Variants in TRNAU1AP observed in about 807,000 individuals in gnomAD.
TRNAU1AP encodes the protein tRNA selenocysteine 1 associated protein 1, also known as tRNA selenocysteine 1-associated protein 1.
TRNAU1AP carries 33 observed loss-of-function variants against 43.3 expected under a neutral mutation model. That is an observed-to-expected ratio of 0.76 (90% CI 0.58 to 1.02). The LOEUF (loss-of-function observed/expected upper bound fraction) is 1.02. Among genes scored for constraint, TRNAU1AP ranks in the 50% least tolerant of loss-of-function variants. The pLI, the probability that TRNAU1AP is intolerant of heterozygous loss-of-function variation, is 0.00. For missense variants in TRNAU1AP, 290 were observed against 362.7 expected (o/e 0.80, Z 1.63); for synonymous variants, 143 against 129.1 (o/e 1.11, Z -0.73).
At chr1:28,561,009 C>G (rs1189333200) in intron 3 of TRNAU1AP, 17 of 1,304,906 alleles carry the variant, frequency 1.3e-5, no homozygotes, top group Non-Finnish European at 1.4e-5. Context: ...CCTCCCATAA[C>G]CGAAGACTTG....
chr1:28,564,963 T>A (rs1254843105), intron 5 of TRNAU1AP, 129 bp downstream of exon 5: 1 of 1,133,250 alleles, frequency 8.8e-7, no homozygotes, highest in Non-Finnish European at 1.3e-6. Flanking sequence ...AACTGCCTGG[T>A]TCAAATCCCA....
At chr1:28,575,065 C>G (rs998777179) in intron 8 of TRNAU1AP, among the ~76,000 whole-genome samples, 2 of 152,178 alleles carry the variant, frequency 1.3e-5, no homozygotes, top group Admixed American at 6.6e-5. Context: ...CTAGTTGTTT[C>G]CCCCTGGGAG....
At chr1:28,562,261 T>G (rs567603592) in intron 4 of TRNAU1AP, among the ~76,000 whole-genome samples, 20 of 152,334 alleles carry the variant, frequency 1.3e-4, no homozygotes, top group Admixed American at 3.9e-4. Flanking sequence ...TAGCCTCAGA[T>G]GTATTCATTG....
intron 2 of TRNAU1AP, among the ~76,000 whole-genome samples, chr1:28,560,416 G>T (rs56973063): frequency 0.092 from 13,962 of 151,820 alleles, 1,383 homozygotes; most frequent in African/African-American, 0.25. Flanking sequence ...GAGTAAGCTG[G>T]GACTACAGGT....
chr1:28,573,773 A>C (rs1006614017), intron 8 of TRNAU1AP, among the ~76,000 whole-genome samples: 8 of 140,778 alleles, frequency 5.7e-5, no homozygotes, highest in African/African-American at 1.8e-4. Flanking sequence ...ACTCTGTCTC[A>C]AAAAAAAAAA....
intron 2 of TRNAU1AP, among the ~76,000 whole-genome samples, chr1:28,558,348 G>A (rs1339192891): frequency 6.7e-6 from 1 of 149,044 alleles, no homozygotes; most frequent in Non-Finnish European, 1.5e-5. Context: ...CCGAGTAGCT[G>A]GGATTACAGG....
At chr1:28,568,204 T>C (rs868242247) in intron 6 of TRNAU1AP, among the ~76,000 whole-genome samples, 50 of 152,040 alleles carry the variant, frequency 3.3e-4, no homozygotes, top group African/African-American at 1.1e-3. Flanking sequence ...TACAGAACAT[T>C]ATATACTTCA....
At chr1:28,562,347 ATTAG>A (rs1272626769) in intron 4 of TRNAU1AP, among the ~76,000 whole-genome samples, 1 of 152,228 alleles carries the variant, frequency 6.6e-6, no homozygotes, top group East Asian at 1.9e-4. Context: ...AATTATGGTC[ATTAG>A]TTAGGATGCG....
At chr1:28,555,716 C>T (rs1665244800) in intron 2 of TRNAU1AP, among the ~76,000 whole-genome samples, 1 of 152,056 alleles carries the variant, frequency 6.6e-6, no homozygotes, top group South Asian at 2.1e-4. Context: ...TATTCAGAAC[C>T]CCATTACCTA....
At position 28,578,387 on chromosome 1, in the gene TRNAU1AP, T is replaced by TA. The variant is rs386366581; in HGVS notation, c.*752dup. ...TCCAACCTTGTCATGTGTTGGGACT[T>TA]ACTGCTTGAGGCAAAGCATTCATCC... On this transcript the variant is annotated 3_prime_UTR_variant, in exon 9 of 9. Coordinates refer to ENST00000373830, the MANE Select transcript of TRNAU1AP (RefSeq NM_017846.5). 1 of 203,750 alleles carries TA rather than the reference T, an allele frequency of 4.9e-6. No individual in the cohort carries two copies. The highest frequency in any genetic ancestry group is 1.0e-5 in the Non-Finnish European group (1 of 98,998). The allele number at this position is 203,750 out of a possible 1,614,324, so 12.6% of individuals were successfully genotyped here.
intron 8 of TRNAU1AP, among the ~76,000 whole-genome samples, chr1:28,577,270 G>A (rs914544885): frequency 6.6e-6 from 1 of 152,162 alleles, no homozygotes; most frequent in Non-Finnish European, 1.5e-5. Context: ...AGAGACACAG[G>A]TGTAGCTTTT....
chr1:28,553,294 A>G, intron 1 of TRNAU1AP, 157 bp downstream of exon 1: 2 of 905,428 alleles, frequency 2.2e-6, no homozygotes, highest in South Asian at 3.6e-5. Context: ...CCAGCATCTA[A>G]GTGAAGAGGC....
chr1:28,563,983 G>A (rs1171811180), intron 4 of TRNAU1AP, among the ~76,000 whole-genome samples: 1 of 152,136 alleles, frequency 6.6e-6, no homozygotes, highest in Non-Finnish European at 1.5e-5. Context: ...TGGTTTAAGA[G>A]GTTGGGTATG....
intron 2 of TRNAU1AP, among the ~76,000 whole-genome samples, chr1:28,554,520 A>G (rs1169372956): frequency 6.6e-6 from 1 of 152,108 alleles, no homozygotes; most frequent in Non-Finnish European, 1.5e-5. Context: ...GGTAAATACT[A>G]TTATGAAGAG....
rs908809411 is a variant in TRNAU1AP, at chr1:28,578,012, T to C, written c.*376T>C. The stretch of plus-strand genomic sequence containing the variant: ...AAATCAGGGTTCTCTGGAGTATTTG[T>C]AGGACCTGCCATATTTGAGTCCTAA... On this transcript the variant is annotated 3_prime_UTR_variant, in exon 9 of 9. Transcript: ENST00000373830. 3.5e-5 allele frequency: 6 copies of C among 170,800 alleles called. No homozygotes were observed. Among genetic ancestry groups the C allele is most frequent in the Non-Finnish European group, 7.5e-5 (6 of 79,908 alleles). 10.6% of individuals were successfully genotyped at this position (170,800 alleles called of 1,614,324 possible).
At chr1:28,567,980 A>G (rs1665577315) in intron 6 of TRNAU1AP, among the ~76,000 whole-genome samples, 1 of 152,050 alleles carries the variant, frequency 6.6e-6, no homozygotes, top group Admixed American at 6.6e-5. Context: ...CCTGGCCAAC[A>G]TGGCAAAACC....
chr1:28,557,601 T>A (rs1665296766), intron 2 of TRNAU1AP, among the ~76,000 whole-genome samples: 1 of 151,890 alleles, frequency 6.6e-6, no homozygotes, highest in African/African-American at 2.4e-5. Flanking sequence ...TTGTTTTGTT[T>A]TCTTTTGAGA....
chr1:28,570,355 C>T (rs910927325), intron 6 of TRNAU1AP, among the ~76,000 whole-genome samples: 10 of 151,974 alleles, frequency 6.6e-5, no homozygotes, highest in African/African-American at 2.2e-4. Context: ...TCAAGCGATT[C>T]TCCTGCCTCA....
intron 8 of TRNAU1AP, among the ~76,000 whole-genome samples, chr1:28,576,621 C>T (rs969831639): frequency 5.3e-5 from 8 of 149,544 alleles, no homozygotes; most frequent in Non-Finnish European, 1.0e-4. Context: ...CCGGCCGAGA[C>T]GGGGTTTTGC....
Sources: gnomAD v4.1 joint callset for allele counts (sites outside exome capture counted in the v4.1 genomes callset) on GRCh38, gnomAD v4.1.1 for gene constraint, MANE v1.5 for transcripts, NCBI Gene and HGNC (gene_info 2026-07-23, HGNC 2026-07-21) for gene names.